PPFIBP1: variants seen among roughly 807,000 people sequenced by gnomAD.
The protein encoded by PPFIBP1 is PPFIB scaffold protein 1.
PPFIBP1 carries 112 observed loss-of-function variants against 137.8 expected under a neutral mutation model. The observed-to-expected ratio is 0.81, with a 90% CI of 0.70 to 0.95. PPFIBP1 has a LOEUF of 0.95. Among genes scored for constraint, PPFIBP1 ranks in the 40% least tolerant of loss-of-function variants. PPFIBP1 has a pLI of 0.00. For synonymous variants in PPFIBP1, 378 were observed against 417.3 expected, an observed-to-expected ratio of 0.91 and a Z score of 1.15; for missense variants, 1,083 against 1,196.6, an observed-to-expected ratio of 0.91 and a Z score of 1.40.
chr12:27,583,663 C>T (rs1163587547), intron 2 of PPFIBP1, among the ~76,000 whole-genome samples: 2 of 152,264 alleles, frequency 1.3e-5, no homozygotes, highest in East Asian at 1.9e-4. Context: ...TATTAGACTT[C>T]TCATAAGGGA....
chr12:27,564,465 T>C (rs1414924369), intron 1 of PPFIBP1, among the ~76,000 whole-genome samples: 2 of 152,212 alleles, frequency 1.3e-5, no homozygotes, highest in African/African-American at 4.8e-5. Context: ...GTTTTCACTG[T>C]TGTCATTGTT....
chr12:27,634,657 GCT>G (rs2057522640), intron 3 of PPFIBP1, among the ~76,000 whole-genome samples: 1 of 152,120 alleles, frequency 6.6e-6, no homozygotes, highest in African/African-American at 2.4e-5. Flanking sequence ...AGCCCACCAG[GCT>G]CTTTTTCTTT....
At chr12:27,607,072 C>G (rs1425281978) in intron 2 of PPFIBP1, among the ~76,000 whole-genome samples, 1 of 152,228 alleles carries the variant, frequency 6.6e-6, no homozygotes, top group Non-Finnish European at 1.5e-5. Flanking sequence ...CTTATGCCAG[C>G]AGACTCCACC....
At chr12:27,593,334 T>A in intron 2 of PPFIBP1, 1 of 400,012 alleles carries the variant, frequency 2.5e-6, no homozygotes, top group Non-Finnish European at 4.9e-6. Context: ...TTCCTAGTGG[T>A]CGTAAGATTC....
chr12:27,537,248 C>T (rs564897179), intron 1 of PPFIBP1, among the ~76,000 whole-genome samples: 3 of 152,260 alleles, frequency 2.0e-5, no homozygotes, highest in African/African-American at 7.2e-5. Flanking sequence ...TCTCCTGCCT[C>T]AGCCTCCTGA....
intron 14 of PPFIBP1, 28 bp downstream of exon 14, chr12:27,671,574 A>G: frequency 7.3e-7 from 1 of 1,374,134 alleles, no homozygotes; most frequent in Non-Finnish European, 1.0e-6. Flanking sequence ...AGTGCAATAT[A>G]AATGTTCAAA....
chr12:27,589,566 AC>A, intron 2 of PPFIBP1, among the ~76,000 whole-genome samples: 1 of 152,348 alleles, frequency 6.6e-6, no homozygotes, highest in South Asian at 2.1e-4. Flanking sequence ...AGCTTACTTT[AC>A]TGTAAAGACT....
chr12:27,586,699 G>GAA lies in PPFIBP1; in HGVS notation c.-36+8469_-36+8470dup, dbSNP rs11414615. Among the ~76,000 whole-genome samples the GAA allele has an allele frequency of 7.7e-3, 1,137 of 148,150 alleles. 11 individuals are homozygous for GAA. The highest frequency in any genetic ancestry group is 0.027 in the African/African-American group (1,073 of 40,448). ...GCGAAAAAGTGAGACTCTGTCTCAA[G>GAA]AAAAAAAAAAGCCTATAAGAGCACC... On this transcript the variant is annotated intron_variant, in intron 2 of 29. Transcript: ENST00000228425.
chr12:27,646,408 CTTTT>C (rs59630572), intron 5 of PPFIBP1: 2,569 of 340,472 alleles, frequency 7.5e-3, no homozygotes, highest in South Asian at 0.011. Context: ...CTGATCTGTT[CTTTT>C]TTTTTTTTTT....
Position 27,672,497 on chromosome 12 carries a change from T to C in PPFIBP1, c.1319+14T>C, listed in dbSNP as rs2060262020. The C allele has an allele frequency of 6.3e-7, 1 of 1,578,522 alleles. No homozygotes were observed. The highest frequency in any genetic ancestry group is 8.7e-7 in the Non-Finnish European group (1 of 1,149,208). On this transcript the variant is annotated intron_variant, in intron 15 of 29. Coordinates refer to ENST00000228425, the MANE Select transcript of PPFIBP1 (RefSeq NM_003622.4). ...TGATAAACTTTTGTAAGTTACATTT[T>C]ATTGAATGTGAAAAATGTGATTGAG... is the stretch of plus-strand genomic sequence containing the variant.
rs1336607145 is a variant in PPFIBP1 at position 27,654,768 on chromosome 12, T to G, written c.650T>G (p.Met217Arg). 1 of 1,612,164 alleles carries G rather than the reference T, an allele frequency of 6.2e-7. No individual in the cohort carries two copies. The highest frequency in any genetic ancestry group is 2.2e-5 in the East Asian group (1 of 44,774). Residue 217 changes from methionine to arginine, a missense_variant, in exon 8 of 30, where the codon ATG becomes AGG. Physicochemically the swap from Met to Arg is moderately conservative, Grantham distance 91. Transcript: ENST00000228425. The stretch of plus-strand genomic sequence containing the variant: ...GATTTGAGGTTAAAAGTTAGTGAAA[T>G]GGACAGTGAGAGACTTCAGTATGAA... ...INDLRLKVSE[M>R]DSERLQYEKK...
chr12:27,588,396 G>A (rs1433134747), intron 2 of PPFIBP1, among the ~76,000 whole-genome samples: 1 of 152,156 alleles, frequency 6.6e-6, no homozygotes, highest in African/African-American at 2.4e-5. Flanking sequence ...GTACTAACTT[G>A]ATCTCTAAAG....
At chr12:27,673,964 A>G in intron 16 of PPFIBP1, 137 bp downstream of exon 16, 1 of 830,774 alleles carries the variant, frequency 1.2e-6, no homozygotes, top group Non-Finnish European at 1.9e-6. Flanking sequence ...ATTAGATGTT[A>G]GGTTTAACAG....
Position 27,671,643 on chromosome 12 carries a change from C to G in PPFIBP1, c.1262+97C>G. 5 of 723,090 alleles carry G rather than the reference C, an allele frequency of 6.9e-6. No homozygotes were observed. In the South Asian group the frequency reaches 1.0e-4, roughly 15 times the overall value. The allele number at this position is 723,090 out of a possible 1,614,324, so 44.8% of individuals were successfully genotyped here. On this transcript the variant is annotated intron_variant, in intron 14 of 29. Coordinates refer to ENST00000228425, the MANE Select transcript of PPFIBP1 (RefSeq NM_003622.4). ...ATTTATTTACAGACACAATTTTTAC[C>G]TAGAGAAGCAAGAAACTGCAAGATG...
At chr12:27,593,341 A>T (rs935672079) in intron 2 of PPFIBP1, 9 of 409,504 alleles carry the variant, frequency 2.2e-5, no homozygotes, top group African/African-American at 1.7e-4. Flanking sequence ...TGGTCGTAAG[A>T]TTCTGTGGTT....
chr12:27,536,424 G>T (rs932513747), intron 1 of PPFIBP1, among the ~76,000 whole-genome samples: 12 of 152,162 alleles, frequency 7.9e-5, no homozygotes, highest in Non-Finnish European at 1.8e-4. Context: ...GGAAGCTTCC[G>T]ATCATGGCAG....
At chr12:27,557,393 G>A (rs542191822) in intron 1 of PPFIBP1, among the ~76,000 whole-genome samples, 7 of 152,026 alleles carry the variant, frequency 4.6e-5, no homozygotes, top group East Asian at 1.9e-4. Flanking sequence ...CCGCCACCAC[G>A]CCTGGCTAAT....
chr12:27,565,315 G>A (rs1285467935), intron 1 of PPFIBP1, among the ~76,000 whole-genome samples: 1 of 152,242 alleles, frequency 6.6e-6, no homozygotes, highest in African/African-American at 2.4e-5. Flanking sequence ...GCTGGGCTCA[G>A]TATTGCCCCA....
At chr12:27,587,622 CAAA>C (rs35185831) in intron 2 of PPFIBP1, among the ~76,000 whole-genome samples, 1 of 73,528 alleles carries the variant, frequency 1.4e-5, no homozygotes. Context: ...GACTCCATCT[CAAA>C]AAAAAAAAAA....
Sources: allele counts gnomAD v4.1 joint callset (sites outside exome capture counted in the v4.1 genomes callset), GRCh38; gene constraint gnomAD v4.1.1; transcripts MANE v1.5; gene names NCBI Gene and HGNC (gene_info 2026-07-23, HGNC 2026-07-21).